NKX2-3: variants seen among roughly 807,000 people sequenced by gnomAD.
NKX2-3 encodes NK2 homeobox 3.
Under a neutral mutation model 14.2 loss-of-function variants are expected in NKX2-3, and 3 were observed. The ratio of observed to expected loss-of-function variants is 0.21; its 90% confidence interval spans 0.10 to 0.55. The LOEUF (loss-of-function observed/expected upper bound fraction) is 0.55. Ranked by LOEUF, NKX2-3 falls within the 20% of genes least tolerant of loss-of-function variation. The pLI is 0.94. For synonymous variants in NKX2-3, 276 were observed against 234.2 expected, an observed-to-expected ratio of 1.18 and a Z score of -1.63; for missense variants, 511 against 514.5, an observed-to-expected ratio of 0.99 and a Z score of 0.06.
Position 99,535,799 on chromosome 10 carries a change from A to T in NKX2-3, c.*78A>T. The T allele has an allele frequency of 1.4e-6, 2 of 1,424,226 alleles. No homozygotes were observed. Among genetic ancestry groups the T allele is most frequent in the Non-Finnish European group, 1.9e-6 (2 of 1,076,154 alleles). 88.2% of individuals were successfully genotyped at this position (1,424,226 alleles called of 1,614,324 possible). ...CTGAAGCTCGAGAAGGGCCTGACCT[A>T]AAGGTCAGGTCCCCTCGTTAAAAAA... On this transcript the variant is annotated 3_prime_UTR_variant, in exon 2 of 2. Coordinates refer to ENST00000344586, the MANE Select transcript of NKX2-3 (RefSeq NM_145285.3).
intron 1 of NKX2-3, among the ~76,000 whole-genome samples, chr10:99,534,185 C>T (rs1465341368): frequency 1.3e-5 from 2 of 152,220 alleles, no homozygotes; most frequent in Admixed American, 1.3e-4. Context: ...TCCCAGGCTG[C>T]GGGCCTAATA....
chr10:99,534,617 G>A (rs1464743372), intron 1 of NKX2-3, among the ~76,000 whole-genome samples: 1 of 152,218 alleles, frequency 6.6e-6, no homozygotes, highest in Non-Finnish European at 1.5e-5. Context: ...GGAGTAGAAT[G>A]CAAACGAGTT....
Position 99,535,401 on chromosome 10 carries a change from T to C in NKX2-3, c.775T>C (p.Tyr259His). The part of the protein sequence containing the change: ...PYSVGASAYS[Y>H]NSFPAYGYGN... ...CAGCGTGGGCGCCAGCGCCTACTCCTACAACAGCTTCCCCGCCTACGGCTA... is the reference window on the plus strand; with the variant it reads ...CAGCGTGGGCGCCAGCGCCTACTCCCACAACAGCTTCCCCGCCTACGGCTA... Residue 259 changes from tyrosine (Y) to histidine (H), a missense_variant, in exon 2 of 2, where the codon TAC becomes CAC. Tyr to His is a moderately conservative substitution (Grantham distance 83). Coordinates refer to ENST00000344586, the MANE Select transcript of NKX2-3 (RefSeq NM_145285.3). 7.1e-7 allele frequency: 1 copy of C among 1,405,808 alleles called. No individual in the cohort carries two copies. The highest frequency in any genetic ancestry group is 9.3e-7 in the Non-Finnish European group (1 of 1,080,690). The allele number at this position is 1,405,808 out of a possible 1,614,324, so 87.1% of individuals were successfully genotyped here. A position where few individuals can be genotyped will look rare whatever the true frequency, so the allele number is the denominator to read the frequency against.
In NKX2-3 at chr10:99,536,272, G is replaced by T. The variant is rs188570312; in HGVS notation, c.*551G>T. The T allele has an allele frequency of 5.5e-3, 839 of 153,126 alleles. 20 individuals carry two copies. In the South Asian group the frequency reaches 0.077, roughly 14 times the overall value. 9.5% of individuals were successfully genotyped at this position (153,126 alleles called of 1,614,324 possible). ...AGCAGATACCTCGGTCCAGATCTCC[G>T]GATTGTCGGGGGACGCAGGACTCTT... On this transcript the variant is annotated 3_prime_UTR_variant, in exon 2 of 2. Coordinates refer to ENST00000344586, the MANE Select transcript of NKX2-3 (RefSeq NM_145285.3).
chr10:99,534,758 T>G (rs1355266412), intron 1 of NKX2-3, among the ~76,000 whole-genome samples: 1 of 152,238 alleles, frequency 6.6e-6, no homozygotes, highest in Non-Finnish European at 1.5e-5. Flanking sequence ...AAACACGCAC[T>G]AACTACCCCT....
At position 99,535,816 on chromosome 10, in the gene NKX2-3, G is replaced by C; in HGVS notation, c.*95G>C. 1 of 1,360,414 alleles carries C rather than the reference G, an allele frequency of 7.4e-7. No individual in the cohort carries two copies. Among genetic ancestry groups the C allele is most frequent in the Admixed American group, 2.9e-5 (1 of 34,262 alleles). 84.3% of individuals were successfully genotyped at this position (1,360,414 alleles called of 1,614,324 possible). On this transcript the variant is annotated 3_prime_UTR_variant, in exon 2 of 2. Coordinates refer to ENST00000344586, the MANE Select transcript of NKX2-3 (RefSeq NM_145285.3). ...CCTGACCTAAAGGTCAGGTCCCCTC[G>C]TTAAAAAAATATGTACGTCTAGCTC...
In NKX2-3 at chr10:99,535,696, C is replaced by T; in HGVS notation, c.1070C>T (p.Thr357Ile). ...TAAGAACAQG[T>I]LQGIRAW ...GCCGGGGCCGCGTGCGCTCAGGGCA[C>T]CTTGCAGGGCATCCGGGCCTGGTAG... is the stretch of plus-strand genomic sequence containing the variant. The change falls in exon 2 of 2, where the codon ACC becomes ATC. Residue 357 changes from threonine to isoleucine, a missense_variant. Around this residue, in one of 3 missense-constraint regions of NKX2-3, gnomAD observed 264 missense variants for 254.7 expected, o/e 1.04. Coordinates refer to ENST00000344586, the MANE Select transcript of NKX2-3 (RefSeq NM_145285.3). 1 of 1,535,388 alleles carries T rather than the reference C, an allele frequency of 6.5e-7. No homozygotes were observed. The highest frequency in any genetic ancestry group is 1.4e-5 in the African/African-American group (1 of 72,766).
chr10:99,534,781 C>T (rs2033947556), intron 1 of NKX2-3, among the ~76,000 whole-genome samples: 1 of 152,246 alleles, frequency 6.6e-6, no homozygotes, highest in African/African-American at 2.4e-5. Flanking sequence ...CCACGAAACG[C>T]GCCTCCGCCT....
rs1565000221 is a variant in NKX2-3 at position 99,535,946 on chromosome 10, C to T, written c.*225C>T. On this transcript the variant is annotated 3_prime_UTR_variant, in exon 2 of 2. Transcript: ENST00000344586. ...CAGGACTGTCTCTGAGGCAGAAACG[C>T]CGGCTGGGCGCCGGGGAGGACGATG... The T allele has an allele frequency of 1.8e-6, 1 of 541,532 alleles. No homozygotes were observed. The highest frequency in any genetic ancestry group is 3.2e-6 in the Non-Finnish European group (1 of 316,404). 33.5% of individuals were successfully genotyped at this position (541,532 alleles called of 1,614,324 possible). A position where few individuals can be genotyped will look rare whatever the true frequency, so the allele number is the denominator to read the frequency against.
chr10:99,535,539 G>C lies in NKX2-3; in HGVS notation c.913G>C (p.Gly305Arg), dbSNP rs2033960342. 2.3e-6 allele frequency: 3 copies of C among 1,329,520 alleles called. No individual in the cohort carries two copies. The highest frequency in any genetic ancestry group is 1.9e-6 in the Non-Finnish European group (2 of 1,046,640). 82.4% of individuals were successfully genotyped at this position (1,329,520 alleles called of 1,614,324 possible). A position where few individuals can be genotyped will look rare whatever the true frequency, so the allele number is the denominator to read the frequency against. ...GGCGGGCGGCGGCGGCGGCGGCGGCGGGACCTCCGCGGCGACCACTGCCAT... is the reference window on the plus strand; with the variant it reads ...GGCGGGCGGCGGCGGCGGCGGCGGCCGGACCTCCGCGGCGACCACTGCCAT... ...YPAGGGGGGG[G>R]TSAATTAMQP... is the part of the protein sequence containing the mutation. The change falls in exon 2 of 2, where the codon GGG becomes CGG. Residue 305 changes from glycine (G) to arginine (R), a missense_variant. Around this residue, in one of 3 missense-constraint regions of NKX2-3, gnomAD observed 264 missense variants for 254.7 expected, o/e 1.04. Coordinates refer to ENST00000344586, the MANE Select transcript of NKX2-3 (RefSeq NM_145285.3).
In NKX2-3 at chr10:99,533,379, G is replaced by T; in HGVS notation, c.248G>T (p.Gly83Val). The stretch of plus-strand genomic sequence containing the variant: ...TCACTAGCCGCAGCAGACGGCCACG[G>T]GGATTCAGGGCTGTGTCCCCAGGGC... ...LNSLAAADGH[G>V]DSGLCPQGYV... Residue 83 changes from glycine (G) to valine (V), a missense_variant, in exon 1 of 2, where the codon GGG (glycine) becomes GTG (valine). By Grantham distance (109) the Gly-to-Val change is moderately radical (BLOSUM62 -3). This residue lies in a region of NKX2-3 where 243 missense variants were observed against 242.3 expected (regional missense o/e 1.00). Transcript: ENST00000344586. 6.2e-7 allele frequency: 1 copy of T among 1,609,406 alleles called. No individual in the cohort carries two copies.
In NKX2-3 at chr10:99,535,328, C is replaced by A. The variant is rs766096722; in HGVS notation, c.702C>A (p.Asp234Glu). ...TGGCTGTCCCGGTGCTGGTGCGGGA[C>A]GGCAAGCCGTGCGTCACGCCCAGCG... is the stretch of plus-strand genomic sequence containing the variant. ...RRVAVPVLVR[D>E]GKPCVTPSAQ... The change falls in exon 2 of 2, where the codon GAC (aspartate) becomes GAA (glutamate). Residue 234 changes from aspartate to glutamate, a missense_variant. By Grantham distance (45) the Asp-to-Glu change is conservative. Transcript: ENST00000344586. 2 of 1,540,612 alleles carry A rather than the reference C, an allele frequency of 1.3e-6. No homozygotes were observed. The highest frequency in any genetic ancestry group is 2.1e-5 in the Admixed American group (1 of 48,394).
intron 1 of NKX2-3, 26 bp from the exon 2 acceptor site, chr10:99,534,959 G>T: frequency 6.4e-7 from 1 of 1,570,160 alleles, no homozygotes. Context: ...AACAGCTAAG[G>T]ACGCTGTTGT....
At position 99,533,308 on chromosome 10, in the gene NKX2-3, G is replaced by A; in HGVS notation, c.177G>A (p.Gly59=). 6.2e-7 allele frequency: 1 copy of A among 1,613,586 alleles called. No individual in the cohort carries two copies. Among genetic ancestry groups the A allele is most frequent in the South Asian group, 1.1e-5 (1 of 91,020 alleles). The change falls in exon 1 of 2, where the codon GGG becomes GGA. Residue 59 remains glycine (G), a synonymous_variant. Coordinates refer to ENST00000344586, the MANE Select transcript of NKX2-3 (RefSeq NM_145285.3). The stretch of plus-strand genomic sequence containing the variant: ...AGGGGACGCAATTTTCTGACGGAGG[G>A]GAGGAGGACGAGGAAGACGAGGGCG... ...AAEGTQFSDG[G]EEDEEDEGEK...
Position 99,535,545 on chromosome 10 carries a change from T to C in NKX2-3, c.919T>C (p.Ser307Pro). 1 of 1,342,872 alleles carries C rather than the reference T, an allele frequency of 7.4e-7. No individual in the cohort carries two copies. The highest frequency in any genetic ancestry group is 9.5e-7 in the Non-Finnish European group (1 of 1,050,220). The allele number at this position is 1,342,872 out of a possible 1,614,324, so 83.2% of individuals were successfully genotyped here. The change falls in exon 2 of 2, where the codon TCC becomes CCC. Residue 307 changes from serine (S) to proline (P), a missense_variant. Ser to Pro is a moderately conservative substitution (Grantham distance 74, BLOSUM62 -1). This residue lies in a region of NKX2-3 where 264 missense variants were observed against 254.7 expected (regional missense o/e 1.04). Coordinates refer to ENST00000344586, the MANE Select transcript of NKX2-3 (RefSeq NM_145285.3). The part of the protein sequence containing the change: ...AGGGGGGGGT[S>P]AATTAMQPAC... ...CGGCGGCGGCGGCGGCGGCGGGACC[T>C]CCGCGGCGACCACTGCCATGCAGCC...
Position 99,536,304 on chromosome 10 carries a change from A to C in NKX2-3, c.*583A>C, listed in dbSNP as rs1395009699. On this transcript the variant is annotated 3_prime_UTR_variant, in exon 2 of 2. Coordinates refer to ENST00000344586, the MANE Select transcript of NKX2-3 (RefSeq NM_145285.3). ...CGGGGGACGCAGGACTCTTCGAGGAAAACCAGCCGAATGAGATCAAAAGTT... is the reference window on the plus strand; with the variant it reads ...CGGGGGACGCAGGACTCTTCGAGGACAACCAGCCGAATGAGATCAAAAGTT... The C allele has an allele frequency of 6.5e-6, 1 of 152,712 alleles. No individual in the cohort carries two copies. The highest frequency in any genetic ancestry group is 2.4e-5 in the African/African-American group (1 of 41,456). 9.5% of individuals were successfully genotyped at this position (152,712 alleles called of 1,614,324 possible).
chr10:99,533,175 A>G lies in NKX2-3; in HGVS notation c.44A>G (p.Lys15Arg). Reference sequence around the variant, plus strand: ...GTCACCTCCACCCCTTTCTCAGTCAAAGACATTTTGAATCTGGAGCAGCAG... The same window carrying G: ...GTCACCTCCACCCCTTTCTCAGTCAGAGACATTTTGAATCTGGAGCAGCAG... ...SPVTSTPFSV[K>R]DILNLEQQHQ... is the part of the protein sequence containing the mutation. Residue 15 changes from lysine to arginine, a missense_variant, in exon 1 of 2, where the codon AAA becomes AGA. By Grantham distance (26) the Lys-to-Arg change is conservative. This residue lies in a region of NKX2-3 where 243 missense variants were observed against 242.3 expected (regional missense o/e 1.00). Transcript: ENST00000344586. 6.3e-7 allele frequency: 1 copy of G among 1,583,788 alleles called. No homozygotes were observed. The highest frequency in any genetic ancestry group is 2.2e-5 in the East Asian group (1 of 44,564).
In NKX2-3 at chr10:99,535,952, G is replaced by C; in HGVS notation, c.*231G>C. On this transcript the variant is annotated 3_prime_UTR_variant, in exon 2 of 2. Coordinates refer to ENST00000344586, the MANE Select transcript of NKX2-3 (RefSeq NM_145285.3). The stretch of plus-strand genomic sequence containing the variant: ...TGTCTCTGAGGCAGAAACGCCGGCT[G>C]GGCGCCGGGGAGGACGATGGCCCCG... 1.9e-6 allele frequency: 1 copy of C among 529,526 alleles called. No individual in the cohort carries two copies. The highest frequency in any genetic ancestry group is 3.3e-6 in the Non-Finnish European group (1 of 306,282). 32.8% of individuals were successfully genotyped at this position (529,526 alleles called of 1,614,324 possible).
In NKX2-3 at chr10:99,533,286, G is replaced by A. The variant is rs754498950; in HGVS notation, c.155G>A (p.Gly52Glu). The change falls in exon 1 of 2, where the codon GGG (glycine) becomes GAG (glutamate). Residue 52 changes from glycine (G) to glutamate (E), a missense_variant. Coordinates refer to ENST00000344586, the MANE Select transcript of NKX2-3 (RefSeq NM_145285.3). Reference sequence around the variant, plus strand: ...CCCTGCATGCTGGCCGCCGCTGAGGGGACGCAATTTTCTGACGGAGGGGAG... The same window carrying A: ...CCCTGCATGCTGGCCGCCGCTGAGGAGACGCAATTTTCTGACGGAGGGGAG... ...SAPCMLAAAE[G>E]TQFSDGGEED... 1.4e-5 allele frequency: 22 copies of A among 1,613,848 alleles called. No individual in the cohort carries two copies. The Admixed American group carries it at 2.0e-4, about 15-fold the overall frequency.
Sources: allele counts gnomAD v4.1 joint callset (sites outside exome capture counted in the v4.1 genomes callset), GRCh38; gene constraint gnomAD v4.1.1; regional missense constraint gnomAD v4.1.1; transcripts MANE v1.5; gene names NCBI Gene and HGNC (gene_info 2026-07-23, HGNC 2026-07-21).